The following AGAP1 variants were observed in gnomAD, a reference collection of about 807,000 sequenced individuals.
The protein encoded by AGAP1 is ArfGAP with GTPase domain, ankyrin repeat and PH domain 1, also known as arf-GAP with GTPase, ANK repeat and PH domain-containing protein 1.
Under a neutral mutation model 105.3 loss-of-function variants are expected in AGAP1, and 29 were observed. The observed-to-expected ratio is 0.28, with a 90% CI of 0.21 to 0.38. The LOEUF is 0.38. Among genes scored for constraint, AGAP1 ranks in the 10% least tolerant of loss-of-function variants. AGAP1 has a pLI of 1.00. For missense variants in AGAP1, 998 were observed against 1,165.1 expected (o/e 0.86, Z 2.09); for synonymous variants, 509 against 485.9 (o/e 1.05, Z -0.63).
At position 236,012,529 on chromosome 2, in the gene AGAP1, G is replaced by A. The variant is rs556553057; in HGVS notation, c.1646-24032G>A. Among the ~76,000 whole-genome samples the A allele has an allele frequency of 7.2e-5, 11 of 152,158 alleles. No homozygotes were observed. In the South Asian group the frequency reaches 2.1e-3, roughly 29 times the overall value. ...TTTCTAAAGCAAACATTTGAGACCC[G>A]GGACAGATTTGGTTTCCTTCGTTCC... On this transcript the variant is annotated intron_variant, in intron 13 of 17. Transcript: ENST00000304032. This position sits in a 1 kb window ranked among gnomAD's most constrained non-coding sequence, Gnocchi z 4.9.
Position 235,836,592 on chromosome 2 carries a change from TCA to T in AGAP1, c.1050+29265_1050+29266del, listed in dbSNP as rs1960189473. Among the ~76,000 whole-genome samples the T allele has an allele frequency of 2.0e-5, 3 of 152,372 alleles. No homozygotes were observed. The South Asian group carries it at 6.2e-4, about 32-fold the overall frequency. On this transcript the variant is annotated intron_variant, in intron 9 of 17. Coordinates refer to ENST00000304032, the MANE Select transcript of AGAP1 (RefSeq NM_001037131.3). Reference sequence around the variant, plus strand: ...CCGGGAAGTGGAAATCTGGTGTCTGTCACACTTTTTCTCCTCTTGGGTTCTCA... The same window carrying T: ...CCGGGAAGTGGAAATCTGGTGTCTGTCACTTTTTCTCCTCTTGGGTTCTCA...
rs144900008 is a variant in AGAP1 at position 235,602,471 on chromosome 2, C to T, written c.164-106708C>T. Among the ~76,000 whole-genome samples the T allele has an allele frequency of 2.1e-3, 318 of 152,302 alleles. 3 individuals are homozygous for T. The highest frequency in any genetic ancestry group is 5.8e-3 in the African/African-American group (240 of 41,560). ...CCGCCAGGCTCACCCTCACTCCCTC[C>T]GCTCCAGCCACACTCAGTCCCTGCT... is the stretch of plus-strand genomic sequence containing the variant. On this transcript the variant is annotated intron_variant, in intron 1 of 17. Coordinates refer to ENST00000304032, the MANE Select transcript of AGAP1 (RefSeq NM_001037131.3).
At position 236,009,061 on chromosome 2, in the gene AGAP1, A is replaced by G. The variant is rs2056420148; in HGVS notation, c.1646-27500A>G. 6.6e-6 allele frequency among the ~76,000 whole-genome samples: 1 copy of G among 152,202 alleles called. No homozygotes were observed. Among genetic ancestry groups the G allele is most frequent in the Non-Finnish European group, 1.5e-5 (1 of 68,030 alleles). ...AGGCCCTTTGAACTGATGTTTCAAC[A>G]TGACTCCTTCTCTGTGAGCTCTCCG... On this transcript the variant is annotated intron_variant, in intron 13 of 17. Transcript: ENST00000304032. The surrounding 1 kb of genome is among the most constrained non-coding windows in gnomAD (Gnocchi z 4.2).
Position 235,878,524 on chromosome 2 carries a change from C to T in AGAP1, c.1051-4821C>T, listed in dbSNP as rs575020618. Among the ~76,000 whole-genome samples the T allele has an allele frequency of 2.6e-5, 4 of 152,246 alleles. No individual in the cohort carries two copies. The South Asian group carries it at 8.3e-4, about 32-fold the overall frequency. ...TTCCAGCAGCCCTGGGCACCCCGTT[C>T]CTGGAATTTGCTAGTCGGGTTGAGA... On this transcript the variant is annotated intron_variant, in intron 9 of 17. Transcript: ENST00000304032.
At position 235,961,163 on chromosome 2, in the gene AGAP1, G is replaced by A. The variant is rs563038251; in HGVS notation, c.1484-7299G>A. Among the ~76,000 whole-genome samples, 2 of 152,310 alleles carry A rather than the reference G, an allele frequency of 1.3e-5. No homozygotes were observed. Among genetic ancestry groups the A allele is most frequent in the East Asian group, 1.9e-4 (1 of 5,168 alleles). ...AGATGTTCCGTAAACAAAGAAACAC[G>A]CATGGAGCATGTCATGTCCCCATGT... is the stretch of plus-strand genomic sequence containing the variant. On this transcript the variant is annotated intron_variant, in intron 12 of 17. Transcript: ENST00000304032. The surrounding 1 kb of genome is among the most constrained non-coding windows in gnomAD (Gnocchi z 5.9).
chr2:236,066,535 G>T (rs1333407798), intron 16 of AGAP1, among the ~76,000 whole-genome samples: 1 of 152,092 alleles, frequency 6.6e-6, no homozygotes, highest in Admixed American at 6.6e-5. Context: ...CAAATTACTA[G>T]AATTTTGAAT....
chr2:235,703,089 G>A (rs577494627), intron 1 of AGAP1, among the ~76,000 whole-genome samples: 21 of 151,896 alleles, frequency 1.4e-4, no homozygotes, highest in Admixed American at 3.3e-4. Flanking sequence ...CACCTCACTT[G>A]GCTAGTTTTT....
At chr2:235,745,286 T>C (rs1273023091) in intron 5 of AGAP1, among the ~76,000 whole-genome samples, 1 of 152,238 alleles carries the variant, frequency 6.6e-6, no homozygotes, top group South Asian at 2.1e-4. Flanking sequence ...CAGTTCTGTT[T>C]ATTAAGTTCT....
intron 16 of AGAP1, among the ~76,000 whole-genome samples, chr2:236,110,123 C>T (rs1360523979): frequency 6.6e-6 from 1 of 152,206 alleles, no homozygotes; most frequent in Admixed American, 6.5e-5. Flanking sequence ...GTATCACTGA[C>T]CTTCTCCTCT....
Position 236,035,236 on chromosome 2 carries a change from T to G in AGAP1, c.1646-1325T>G, listed in dbSNP as rs759987518. 6.6e-6 allele frequency among the ~76,000 whole-genome samples: 1 copy of G among 152,178 alleles called. No individual in the cohort carries two copies. Among genetic ancestry groups the G allele is most frequent in the Non-Finnish European group, 1.5e-5 (1 of 68,024 alleles). On this transcript the variant is annotated intron_variant, in intron 13 of 17. Transcript: ENST00000304032. This position sits in a 1 kb window ranked among gnomAD's most constrained non-coding sequence, Gnocchi z 4.2. ...CAGGCAGGTAGGTGAAAGTCAGTAC[T>G]AATAATAGTTGCTCGCCAGGGGATT...
chr2:235,696,483 C>T (rs531157981), intron 1 of AGAP1, among the ~76,000 whole-genome samples: 3 of 152,302 alleles, frequency 2.0e-5, no homozygotes, highest in African/African-American at 4.8e-5. Flanking sequence ...CCAGCTTCCA[C>T]GCTTTCCAGC....
rs1331518583 is a variant in AGAP1, at chr2:235,552,530, A to G, written c.163+57681A>G. Reference sequence around the variant, plus strand: ...TTTTTTCTGCTACTCCTTCATTCACACCTGGATTCAGTTGCCCTCATGAGC... The same window carrying G: ...TTTTTTCTGCTACTCCTTCATTCACGCCTGGATTCAGTTGCCCTCATGAGC... On this transcript the variant is annotated intron_variant, in intron 1 of 17. Coordinates refer to ENST00000304032, the MANE Select transcript of AGAP1 (RefSeq NM_001037131.3). This position sits in a 1 kb window ranked among gnomAD's most constrained non-coding sequence, Gnocchi z 5.9. Among the ~76,000 whole-genome samples the G allele has an allele frequency of 1.3e-5, 2 of 152,098 alleles. No individual in the cohort carries two copies. The highest frequency in any genetic ancestry group is 6.5e-5 in the Admixed American group (1 of 15,272).
intron 13 of AGAP1, among the ~76,000 whole-genome samples, chr2:236,024,306 G>T (rs534923860): frequency 6.6e-6 from 1 of 152,126 alleles, no homozygotes; most frequent in African/African-American, 2.4e-5. Flanking sequence ...CAAAGTGTTA[G>T]GATTATAGGC....
chr2:235,673,006 A>G (rs1948518418), intron 1 of AGAP1, among the ~76,000 whole-genome samples: 1 of 152,220 alleles, frequency 6.6e-6, no homozygotes, highest in African/African-American at 2.4e-5. Context: ...ACGGAAATTT[A>G]ATGAACTACA....
At chr2:235,781,034 C>T (rs1480810103) in intron 6 of AGAP1, among the ~76,000 whole-genome samples, 1 of 151,966 alleles carries the variant, frequency 6.6e-6, no homozygotes, top group Non-Finnish European at 1.5e-5. Context: ...AAAAAGAAAC[C>T]CAAACTAATA....
chr2:236,106,994 A>G (rs373253715), intron 16 of AGAP1, among the ~76,000 whole-genome samples: 3 of 152,042 alleles, frequency 2.0e-5, no homozygotes. Flanking sequence ...CGGAGGCTCA[A>G]TGAGAGAGCA....
intron 12 of AGAP1, among the ~76,000 whole-genome samples, chr2:235,952,169 A>G (rs1216839405): frequency 3.3e-5 from 5 of 152,190 alleles, no homozygotes; most frequent in Non-Finnish European, 7.3e-5. Flanking sequence ...TGTCAGAGAC[A>G]TGAATGGGCT....
intron 16 of AGAP1, among the ~76,000 whole-genome samples, chr2:236,079,417 C>T (rs1208598470): frequency 6.7e-6 from 1 of 148,254 alleles, no homozygotes; most frequent in Non-Finnish European, 1.5e-5. Context: ...GCCTGTGGTC[C>T]CAGCTACTCA....
intron 6 of AGAP1, among the ~76,000 whole-genome samples, chr2:235,774,784 T>G (rs1455610741): frequency 6.6e-6 from 1 of 152,170 alleles, no homozygotes; most frequent in East Asian, 1.9e-4. Context: ...AAGTAATTAC[T>G]AACCTTTTTA....
Sources: gnomAD v4.1 joint callset for allele counts (sites outside exome capture counted in the v4.1 genomes callset) on GRCh38, gnomAD v4.1.1 for gene constraint, Gnocchi (gnomAD v3.1) non-coding constraint, MANE v1.5 for transcripts, NCBI Gene and HGNC (gene_info 2026-07-23, HGNC 2026-07-21) for gene names.